The following COL24A1 variants were observed in gnomAD, a reference collection of about 807,000 sequenced individuals.
COL24A1 encodes the protein collagen alpha-1(XXIV) chain.
A neutral mutation model predicts 253.9 loss-of-function variants in COL24A1; 224 were observed. The observed-to-expected ratio is 0.88, with a 90% CI of 0.79 to 0.99. COL24A1 has a LOEUF of 0.99. COL24A1 is among the 50% of genes least tolerant of loss of function. The pLI is 0.00. For missense variants in COL24A1, 2,131 were observed against 2,068.5 expected, an observed-to-expected ratio of 1.03 and a Z score of -0.59; for synonymous variants, 685 against 673.7, an observed-to-expected ratio of 1.02 and a Z score of -0.26.
chr1:85,895,929 C>A, intron 30 of COL24A1, 27 bp from the exon 31 acceptor site: 1 of 1,604,362 alleles, frequency 6.2e-7, no homozygotes, highest in Non-Finnish European at 8.5e-7. Context: ...ATTCTTGAGT[C>A]AAGTAGTCCC....
chr1:85,964,399 C>T lies in COL24A1; in HGVS notation c.2517+610G>A, dbSNP rs1691359692. ...TTATCTAGTGAATATTACTTAGACT[C>T]ACTGTTTACTAGTGATTAAAAGATC... is the stretch of plus-strand genomic sequence containing the variant. On this transcript the variant is annotated intron_variant, in intron 23 of 59. Transcript: ENST00000370571. Among the ~76,000 whole-genome samples the T allele has an allele frequency of 4.6e-5, 7 of 152,134 alleles. No individual in the cohort carries two copies. In the South Asian group the frequency reaches 1.5e-3, roughly 32 times the overall value.
intron 43 of COL24A1, among the ~76,000 whole-genome samples, chr1:85,824,524 T>C (rs2101999890): frequency 6.6e-6 from 1 of 152,248 alleles, no homozygotes; most frequent in African/African-American, 2.4e-5. Flanking sequence ...ACTTCACAAC[T>C]ATTTGGACGG....
At chr1:86,027,651 A>T (rs1379868734) in intron 14 of COL24A1, among the ~76,000 whole-genome samples, 1 of 152,158 alleles carries the variant, frequency 6.6e-6, no homozygotes, top group Non-Finnish European at 1.5e-5. Context: ...CAGGGGTGAC[A>T]CCCTCATGGA....
At chr1:85,878,200 T>TGC (rs1489426249) in intron 32 of COL24A1, among the ~76,000 whole-genome samples, 1 of 152,208 alleles carries the variant, frequency 6.6e-6, no homozygotes, top group African/African-American at 2.4e-5. Context: ...ACCACACAAA[T>TGC]TTATTTCCCA....
chr1:85,759,748 C>A (rs1213519149), intron 55 of COL24A1, among the ~76,000 whole-genome samples: 2 of 152,184 alleles, frequency 1.3e-5, no homozygotes, highest in Non-Finnish European at 2.9e-5. Context: ...GCAAAAACCT[C>A]TCATGTCTTA....
chr1:86,041,623 A>T (rs1272693396), intron 12 of COL24A1, among the ~76,000 whole-genome samples: 2 of 152,150 alleles, frequency 1.3e-5, no homozygotes, highest in Non-Finnish European at 2.9e-5. Context: ...AAAGTTATCA[A>T]ATACATAACA....
chr1:86,097,071 C>A (rs1703941899), intron 5 of COL24A1, among the ~76,000 whole-genome samples: 1 of 152,152 alleles, frequency 6.6e-6, no homozygotes, highest in South Asian at 2.1e-4. Context: ...TTAACTTTTA[C>A]TTCTCTTCAG....
chr1:85,868,774 T>C lies in COL24A1; in HGVS notation c.3192+8A>G. 2.0e-6 allele frequency: 3 copies of C among 1,529,512 alleles called. No homozygotes were observed. The highest frequency in any genetic ancestry group is 1.9e-5 in the Admixed American group (1 of 52,558). 94.7% of individuals were successfully genotyped at this position (1,529,512 alleles called of 1,614,324 possible). On this transcript the variant is annotated splice_region_variant and intron_variant, in intron 36 of 59. Transcript: ENST00000370571. ...TATTTTATATATAATCTTAAAAGTA[T>C]AATTTACCTTTAACCCATCTTTTCC...
chr1:86,024,259 C>A (rs1002916895), intron 14 of COL24A1, among the ~76,000 whole-genome samples: 1 of 152,130 alleles, frequency 6.6e-6, no homozygotes, highest in South Asian at 2.1e-4. Context: ...CTACTTAGTA[C>A]ATGGCACTGT....
intron 1 of COL24A1, among the ~76,000 whole-genome samples, chr1:86,147,089 T>C (rs1651986447): frequency 1.3e-5 from 2 of 152,292 alleles, no homozygotes; most frequent in East Asian, 1.9e-4. Flanking sequence ...ATTTGTAAAA[T>C]GCAGTTCCGC....
chr1:86,116,932 G>GATA (rs10659139), intron 3 of COL24A1, among the ~76,000 whole-genome samples: 113,675 of 151,728 alleles, frequency 0.75, 42,590 homozygotes, highest in Middle Eastern at 0.82. Context: ...ATCAAATCTT[G>GATA]ATATTTTACT....
intron 22 of COL24A1, among the ~76,000 whole-genome samples, chr1:85,968,064 T>C (rs1691748702): frequency 6.6e-6 from 1 of 152,176 alleles, no homozygotes; most frequent in Non-Finnish European, 1.5e-5. Flanking sequence ...TACATCTTTC[T>C]CCCATGCTGG....
Position 85,810,465 on chromosome 1 carries a change from T to C in COL24A1, c.3951+6323A>G, listed in dbSNP as rs577075797. On this transcript the variant is annotated intron_variant, in intron 47 of 59. Coordinates refer to ENST00000370571, the MANE Select transcript of COL24A1 (RefSeq NM_152890.7). ...CTATGGGGTAGCCCTGCTCTATCTA[T>C]GGAGCAGCCATTTTCCTATACTCTG... Among the ~76,000 whole-genome samples, 55 of 152,320 alleles carry C rather than the reference T, an allele frequency of 3.6e-4. 2 individuals carry two copies. In the South Asian group the frequency reaches 0.011, roughly 31 times the overall value.
intron 24 of COL24A1, among the ~76,000 whole-genome samples, chr1:85,944,719 G>A (rs1689086439): frequency 6.6e-6 from 1 of 151,882 alleles, no homozygotes; most frequent in South Asian, 2.1e-4. Context: ...TTTAGCATTA[G>A]GTATATCTCC....
chr1:85,856,448 T>C (rs1290478289), intron 37 of COL24A1, among the ~76,000 whole-genome samples: 1 of 152,218 alleles, frequency 6.6e-6, no homozygotes, highest in African/African-American at 2.4e-5. Flanking sequence ...TTTCATTGTT[T>C]ACCCAAAAGT....
rs548440868 is a variant in COL24A1, at chr1:86,041,756, A to C, written c.1950+5069T>G. ...CAGATATGTTCCAAGAAGATTCTCA[A>C]ATAAAGACATTAAAGCATGTAAAAC... On this transcript the variant is annotated intron_variant, in intron 12 of 59. Coordinates refer to ENST00000370571, the MANE Select transcript of COL24A1 (RefSeq NM_152890.7). 1.4e-4 allele frequency among the ~76,000 whole-genome samples: 22 copies of C among 152,248 alleles called. No individual in the cohort carries two copies. In the South Asian group the frequency reaches 4.1e-3, roughly 29 times the overall value.
chr1:85,995,325 A>C (rs1251666506), intron 19 of COL24A1, among the ~76,000 whole-genome samples: 1 of 151,890 alleles, frequency 6.6e-6, no homozygotes, highest in Non-Finnish European at 1.5e-5. Flanking sequence ...GCCTCAAGTG[A>C]TACTCTTGCT....
chr1:85,786,445 G>A lies in COL24A1; in HGVS notation c.3968C>T (p.Pro1323Leu). 1 of 1,613,470 alleles carries A rather than the reference G, an allele frequency of 6.2e-7. No homozygotes were observed. Among genetic ancestry groups the A allele is most frequent in the Non-Finnish European group, 8.5e-7 (1 of 1,179,704 alleles). The change falls in exon 48 of 60, where the codon CCA becomes CTA. Residue 1323 changes from proline to leucine, a missense_variant. Pro to Leu is a moderately conservative substitution (Grantham distance 98). Coordinates refer to ENST00000370571, the MANE Select transcript of COL24A1 (RefSeq NM_152890.7). ...KQGLPGIRGG[P>L]GRTGLAGAPG... ...AGCCCCAGCAAGACCTGTTCTTCCTGGGCCGCCTCTGATGCCCTAAATAAC... is the reference window on the plus strand; with the variant it reads ...AGCCCCAGCAAGACCTGTTCTTCCTAGGCCGCCTCTGATGCCCTAAATAAC...
At chr1:86,096,719 G>A (rs1703915147) in intron 5 of COL24A1, among the ~76,000 whole-genome samples, 1 of 152,008 alleles carries the variant, frequency 6.6e-6, no homozygotes, top group African/African-American at 2.4e-5. Context: ...TATCTATTCT[G>A]CACCTGCCTA....
Sources: allele counts gnomAD v4.1 joint callset (sites outside exome capture counted in the v4.1 genomes callset), GRCh38; gene constraint gnomAD v4.1.1; transcripts MANE v1.5; gene names NCBI Gene and HGNC (gene_info 2026-07-23, HGNC 2026-07-21).